The following PDLIM5 variants were observed in gnomAD, a reference collection of about 807,000 sequenced individuals.
PDLIM5 encodes PDZ and LIM domain protein 5.
PDLIM5 carries 34 observed loss-of-function variants against 64.2 expected under a neutral mutation model. The ratio of observed to expected loss-of-function variants is 0.53; its 90% confidence interval spans 0.40 to 0.71. PDLIM5 has a LOEUF of 0.71. Among genes scored for constraint, PDLIM5 ranks in the 30% least tolerant of loss-of-function variants. PDLIM5 has a pLI of 0.00. For synonymous variants in PDLIM5, 253 were observed against 269.1 expected, an observed-to-expected ratio of 0.94 and a Z score of 0.59; for missense variants, 683 against 733.6, an observed-to-expected ratio of 0.93 and a Z score of 0.80.
chr4:94,512,059 C>T (rs933879700), intron 2 of PDLIM5, among the ~76,000 whole-genome samples: 2 of 151,416 alleles, frequency 1.3e-5, no homozygotes, highest in African/African-American at 4.9e-5. Context: ...CTTGTTGTGT[C>T]ACCTAGGCTG....
intron 2 of PDLIM5, among the ~76,000 whole-genome samples, chr4:94,474,474 C>T (rs1052479424): frequency 6.6e-6 from 1 of 152,068 alleles, no homozygotes; most frequent in African/African-American, 2.4e-5. Context: ...TGGTATGAAA[C>T]TCCTGACCTC....
At chr4:94,583,472 T>G (rs575374643) in intron 5 of PDLIM5, among the ~76,000 whole-genome samples, 31 of 152,312 alleles carry the variant, frequency 2.0e-4, no homozygotes, top group African/African-American at 7.0e-4. Context: ...AATTTAAAAC[T>G]ATAATAAGTT....
At chr4:94,555,928 T>A (rs1052943405) in intron 3 of PDLIM5, among the ~76,000 whole-genome samples, 1 of 151,770 alleles carries the variant, frequency 6.6e-6, no homozygotes, top group Non-Finnish European at 1.5e-5. Flanking sequence ...TATTATACTT[T>A]AAGTTCTAAG....
chr4:94,653,132 A>G (rs1485683465), intron 9 of PDLIM5, among the ~76,000 whole-genome samples: 1 of 152,254 alleles, frequency 6.6e-6, no homozygotes, highest in Non-Finnish European at 1.5e-5. Context: ...CTTAGGGATG[A>G]TAAGTGATGT....
At chr4:94,603,248 A>G (rs1294053192) in intron 7 of PDLIM5, among the ~76,000 whole-genome samples, 1 of 152,196 alleles carries the variant, frequency 6.6e-6, no homozygotes, top group Non-Finnish European at 1.5e-5. Context: ...ATTTGATAAA[A>G]TGTGTTTTGT....
At chr4:94,615,667 A>G (rs1166573523) in intron 7 of PDLIM5, among the ~76,000 whole-genome samples, 1 of 152,220 alleles carries the variant, frequency 6.6e-6, no homozygotes, top group African/African-American at 2.4e-5. Context: ...AGCCTTCCAC[A>G]GGCTAAATGG....
At chr4:94,641,605 A>G (rs1741010939) in intron 9 of PDLIM5, among the ~76,000 whole-genome samples, 2 of 152,328 alleles carry the variant, frequency 1.3e-5, no homozygotes, top group Admixed American at 1.3e-4. Flanking sequence ...GGTAACCTCT[A>G]TTATCTGTTT....
intron 3 of PDLIM5, among the ~76,000 whole-genome samples, chr4:94,528,503 C>A (rs1324156264): frequency 6.6e-6 from 1 of 152,040 alleles, no homozygotes; most frequent in East Asian, 1.9e-4. Context: ...GAGCAAAAAC[C>A]ATGTTTTTTT....
At chr4:94,573,901 T>G (rs2110279661) in intron 4 of PDLIM5, among the ~76,000 whole-genome samples, 1 of 152,328 alleles carries the variant, frequency 6.6e-6, no homozygotes, top group South Asian at 2.1e-4. Flanking sequence ...CCTAATTTTA[T>G]CTGTGCCTAT....
chr4:94,506,138 T>A (rs1270894775), intron 2 of PDLIM5, among the ~76,000 whole-genome samples: 1 of 152,196 alleles, frequency 6.6e-6, no homozygotes, highest in Non-Finnish European at 1.5e-5. Context: ...CAAATATGTA[T>A]TTCATAGTAT....
chr4:94,506,988 C>CCTGCCTTT (rs1728450398), intron 2 of PDLIM5, among the ~76,000 whole-genome samples: 5 of 152,180 alleles, frequency 3.3e-5, no homozygotes, highest in African/African-American at 1.2e-4. Flanking sequence ...CTTTGGACCT[C>CCTGCCTTT]AGACTTCAGG....
chr4:94,620,462 A>G lies in PDLIM5; in HGVS notation c.1108+2271A>G, dbSNP rs139507221. 9.4e-3 allele frequency among the ~76,000 whole-genome samples: 1,427 copies of G among 151,978 alleles called. 25 individuals carry two copies. The highest frequency in any genetic ancestry group is 0.033 in the African/African-American group (1,369 of 41,452). On this transcript the variant is annotated intron_variant, in intron 8 of 12. Coordinates refer to ENST00000317968, the MANE Select transcript of PDLIM5 (RefSeq NM_006457.5). Reference sequence around the variant, plus strand: ...TGAGGTGGGAGCATCATCTGAGCTCAGGAAGTTGAGGCTACAGTGAGCTGT... The same window carrying G: ...TGAGGTGGGAGCATCATCTGAGCTCGGGAAGTTGAGGCTACAGTGAGCTGT...
intron 7 of PDLIM5, among the ~76,000 whole-genome samples, chr4:94,604,802 A>T (rs1281424389): frequency 6.6e-6 from 1 of 152,244 alleles, no homozygotes; most frequent in East Asian, 1.9e-4. Context: ...CGTACTTCAC[A>T]CTACTGACTG....
At chr4:94,465,942 G>A (rs1401782169) in intron 2 of PDLIM5, among the ~76,000 whole-genome samples, 2 of 151,994 alleles carry the variant, frequency 1.3e-5, no homozygotes, top group Non-Finnish European at 2.9e-5. Flanking sequence ...GTGTATGTGT[G>A]TGTGTGTCTG....
At chr4:94,644,598 T>C (rs564583946) in intron 9 of PDLIM5, among the ~76,000 whole-genome samples, 2 of 151,760 alleles carry the variant, frequency 1.3e-5, no homozygotes, top group South Asian at 4.2e-4. Context: ...CGATCTCGGC[T>C]CACTGCAACC....
At chr4:94,468,354 TTG>T (rs1578204498) in intron 2 of PDLIM5, among the ~76,000 whole-genome samples, 1 of 152,146 alleles carries the variant, frequency 6.6e-6, no homozygotes, top group East Asian at 1.9e-4. Flanking sequence ...AGCTCTTGCT[TTG>T]TTGCCCAGGC....
intron 7 of PDLIM5, among the ~76,000 whole-genome samples, chr4:94,612,581 G>C (rs1738463470): frequency 1.3e-5 from 2 of 152,170 alleles, no homozygotes; most frequent in African/African-American, 4.8e-5. Context: ...TGGACTGACT[G>C]TGCTATCTAT....
At chr4:94,642,907 A>G (rs1741110928) in intron 9 of PDLIM5, among the ~76,000 whole-genome samples, 1 of 152,136 alleles carries the variant, frequency 6.6e-6, no homozygotes, top group African/African-American at 2.4e-5. Flanking sequence ...TTAAATTTAT[A>G]ATTTATATTG....
At chr4:94,644,498 A>G (rs933496967) in intron 9 of PDLIM5, among the ~76,000 whole-genome samples, 2 of 152,036 alleles carry the variant, frequency 1.3e-5, no homozygotes, top group Non-Finnish European at 2.9e-5. Flanking sequence ...TAGCTACTAT[A>G]TATTGAACTT....
Sources: allele counts gnomAD v4.1 joint callset (sites outside exome capture counted in the v4.1 genomes callset), GRCh38; gene constraint gnomAD v4.1.1; transcripts MANE v1.5; gene names NCBI Gene and HGNC (gene_info 2026-07-23, HGNC 2026-07-21).